ZMYND11: variants seen among roughly 807,000 people sequenced by gnomAD.
ZMYND11 encodes the protein zinc finger MYND-type containing 11.
ZMYND11 carries 9 observed loss-of-function variants against 84.9 expected under a neutral mutation model. That is an observed-to-expected ratio of 0.11 (90% CI 0.06 to 0.18). ZMYND11 has a LOEUF of 0.18. ZMYND11 is among the 10% of genes least tolerant of loss of function. ZMYND11 has a pLI of 1.00. For synonymous variants in ZMYND11, 250 were observed against 244.1 expected (o/e 1.02, Z -0.23); for missense variants, 409 against 761.0 (o/e 0.54, Z 5.44).
chr10:146,964 G>A (rs1374847093), intron 1 of ZMYND11, among the ~76,000 whole-genome samples: 5 of 152,242 alleles, frequency 3.3e-5, no homozygotes, highest in Admixed American at 2.0e-4. Flanking sequence ...GGAACTGTGA[G>A]TTCATTAAAC....
intron 1 of ZMYND11, among the ~76,000 whole-genome samples, chr10:158,415 T>TTG: frequency 6.7e-6 from 1 of 149,728 alleles, no homozygotes; most frequent in Admixed American, 6.6e-5. Context: ...TCTTTTCCTT[T>TTG]TTTTTTTTTT....
At chr10:198,693 G>A (rs961077221) in intron 2 of ZMYND11, among the ~76,000 whole-genome samples, 5 of 152,160 alleles carry the variant, frequency 3.3e-5, no homozygotes, top group African/African-American at 1.2e-4. Flanking sequence ...GGACAGAACT[G>A]AAAAGAAGGA....
At chr10:213,103 A>G (rs1471606193) in intron 3 of ZMYND11, among the ~76,000 whole-genome samples, 2 of 152,092 alleles carry the variant, frequency 1.3e-5, no homozygotes, top group African/African-American at 2.4e-5. Context: ...TTTTTAATGT[A>G]TGGCCAGTGC....
chr10:189,183 T>A (rs1939627940), intron 2 of ZMYND11, among the ~76,000 whole-genome samples: 1 of 152,222 alleles, frequency 6.6e-6, no homozygotes, highest in Non-Finnish European at 1.5e-5. Context: ...TCTCCTGGAG[T>A]TCTTCCTGTC....
chr10:247,575 T>A, intron 12 of ZMYND11, 109 bp downstream of exon 12: 1 of 1,206,286 alleles, frequency 8.3e-7, no homozygotes, highest in Non-Finnish European at 1.2e-6. Context: ...GGTGGATACT[T>A]GTGAAATTCA....
At chr10:168,381 TAGG>T (rs1554764579) in intron 1 of ZMYND11, among the ~76,000 whole-genome samples, 1 of 151,818 alleles carries the variant, frequency 6.6e-6, no homozygotes, top group East Asian at 1.9e-4. Flanking sequence ...GAGGCTGAGG[TAGG>T]AGGATTACCT....
chr10:234,053 C>T (rs1055003015), intron 4 of ZMYND11, among the ~76,000 whole-genome samples: 4 of 152,154 alleles, frequency 2.6e-5, no homozygotes, highest in Non-Finnish European at 4.4e-5. Flanking sequence ...TCCGTAGTAC[C>T]GTTTCAAACT....
rs1379902000 is a variant in ZMYND11 at position 252,440 on chromosome 10, G to C, written c.1779G>C (p.Glu593Asp). The C allele has an allele frequency of 1.2e-6, 2 of 1,612,982 alleles. No homozygotes were observed. Among genetic ancestry groups the C allele is most frequent in the East Asian group, 2.2e-5 (1 of 44,886 alleles). Residue 593 changes from glutamate to aspartate, a missense_variant, in exon 15 of 15, where the codon GAG (glutamate) becomes GAC (aspartate). Physicochemically the swap from Glu to Asp is conservative, Grantham distance 45 (BLOSUM62 2). Around this residue, in one of 7 missense-constraint regions of ZMYND11, gnomAD observed 16 missense variants for 57.7 expected, o/e 0.28. Coordinates refer to ENST00000381604, the MANE Select transcript of ZMYND11 (RefSeq NM_001370100.5). This position sits in a 1 kb window ranked among gnomAD's most constrained non-coding sequence, Gnocchi z 4.6. ...IKCQQEHWHA[E>D]HKRTCRRKR ...GCCAGCAGGAGCACTGGCACGCGGA[G>C]CACAAGCGCACCTGCCGCCGGAAAA... is the stretch of plus-strand genomic sequence containing the variant.
intron 1 of ZMYND11, among the ~76,000 whole-genome samples, chr10:156,402 C>A (rs976840650): frequency 2.6e-5 from 4 of 152,114 alleles, no homozygotes; most frequent in African/African-American, 9.7e-5. Flanking sequence ...ATTTTTAATG[C>A]TTAAATCACT....
chr10:212,647 C>A (rs1945455610), intron 3 of ZMYND11, among the ~76,000 whole-genome samples: 1 of 151,664 alleles, frequency 6.6e-6, no homozygotes, highest in Non-Finnish European at 1.5e-5. Context: ...ATATCTATTT[C>A]ATTTGATTGT....
chr10:200,123 C>CT (rs992295862), intron 2 of ZMYND11, among the ~76,000 whole-genome samples: 2 of 150,972 alleles, frequency 1.3e-5, no homozygotes, highest in Non-Finnish European at 2.9e-5. Context: ...CTAAAACACT[C>CT]TAACAGAGGT....
chr10:242,726 TCTC>T (rs755614513), intron 10 of ZMYND11, among the ~76,000 whole-genome samples: 23 of 152,192 alleles, frequency 1.5e-4, no homozygotes, highest in Non-Finnish European at 3.1e-4. Context: ...CCATGAGGTG[TCTC>T]CTGTCATGCC....
At position 234,696 on chromosome 10, in the gene ZMYND11, TCTC is replaced by T. The variant is rs144876192; in HGVS notation, c.439-2139_439-2137del. 9.7e-3 allele frequency among the ~76,000 whole-genome samples: 1,478 copies of T among 152,282 alleles called. 27 individuals carry two copies. Among genetic ancestry groups the T allele is most frequent in the African/African-American group, 0.034 (1,414 of 41,544 alleles). On this transcript the variant is annotated intron_variant, in intron 4 of 14. Transcript: ENST00000381604. ...TGTAGCTAGAAGCATGTGTTTTTAT[TCTC>T]CTTTTAAGAAGAATGTACATTTTAT...
At chr10:202,231 C>T (rs900250235) in intron 2 of ZMYND11, among the ~76,000 whole-genome samples, 1 of 152,112 alleles carries the variant, frequency 6.6e-6, no homozygotes, top group African/African-American at 2.4e-5. Flanking sequence ...TCACAGTACT[C>T]CTCTAGTTAC....
chr10:234,853 CTGAT>C (rs924567221), intron 4 of ZMYND11, among the ~76,000 whole-genome samples: 4 of 152,168 alleles, frequency 2.6e-5, no homozygotes, highest in Admixed American at 2.6e-4. Flanking sequence ...TAGTAAGTAG[CTGAT>C]TGATTGTGCT....
intron 4 of ZMYND11, among the ~76,000 whole-genome samples, chr10:234,973 A>G (rs1949686212): frequency 9.3e-6 from 1 of 108,064 alleles, no homozygotes; most frequent in South Asian, 3.8e-4. Context: ...GCCCGCTAGT[A>G]TTTCGCAAAT....
Position 180,018 on chromosome 10 carries a change from A to G in ZMYND11, c.6A>G (p.Ala2=), listed in dbSNP as rs377182928. The G allele has an allele frequency of 6.2e-7, 1 of 1,612,476 alleles. No individual in the cohort carries two copies. The highest frequency in any genetic ancestry group is 8.5e-7 in the Non-Finnish European group (1 of 1,179,066). The change falls in exon 2 of 15, where the codon GCA becomes GCG. Residue 2 remains alanine (A), a synonymous_variant. Transcript: ENST00000381604. M[A]RLTKRRQADT... is the part of the protein sequence containing the mutation. ...GCTAAAGAAGTAAACAGGTCATGGC[A>G]CGTTTAACAAAAAGACGACAGGCGG... is the stretch of plus-strand genomic sequence containing the variant.
chr10:240,865 G>A, intron 8 of ZMYND11, 28 bp from the exon 9 acceptor site: 8 of 1,569,012 alleles, frequency 5.1e-6, no homozygotes, highest in Non-Finnish European at 6.1e-6. Context: ...ATTTTATGTA[G>A]GCTAAAGTAG....
chr10:171,170 GAC>G (rs1845223842), intron 1 of ZMYND11, among the ~76,000 whole-genome samples: 1 of 152,088 alleles, frequency 6.6e-6, no homozygotes, highest in Admixed American at 6.6e-5. Context: ...CAGAATATAT[GAC>G]ACAAAAACTG....
Sources: allele counts gnomAD v4.1 joint callset (sites outside exome capture counted in the v4.1 genomes callset), GRCh38; gene constraint gnomAD v4.1.1; regional missense constraint gnomAD v4.1.1; non-coding constraint Gnocchi (gnomAD v3.1); transcripts MANE v1.5; gene names NCBI Gene and HGNC (gene_info 2026-07-23, HGNC 2026-07-21).